The following TRAK1 variants were observed in gnomAD, a reference collection of about 807,000 sequenced individuals.
TRAK1 encodes trafficking kinesin protein 1.
A neutral mutation model predicts 92.1 loss-of-function variants in TRAK1; 33 were observed. The observed-to-expected ratio is 0.36, with a 90% CI of 0.27 to 0.48. The LOEUF (loss-of-function observed/expected upper bound fraction) is 0.48. TRAK1 is among the 20% of genes least tolerant of loss of function. The pLI is 0.99. For synonymous variants in TRAK1, 521 were observed against 517.3 expected, an observed-to-expected ratio of 1.01 and a Z score of -0.10; for missense variants, 1,123 against 1,257.9, an observed-to-expected ratio of 0.89 and a Z score of 1.62.
At chr3:42,110,094 G>GTATATATATATATA (rs375315730) in intron 1 of TRAK1, among the ~76,000 whole-genome samples, 949 of 83,036 alleles carry the variant, frequency 0.011, 37 homozygotes, top group Non-Finnish European at 0.012. Flanking sequence ...AGAACTTAAA[G>GTATATATATATATA]TATATATATA....
intron 8 of TRAK1, among the ~76,000 whole-genome samples, chr3:42,193,455 T>C (rs1257144937): frequency 2.0e-5 from 3 of 152,210 alleles, no homozygotes; most frequent in Non-Finnish European, 4.4e-5. Context: ...ATATGGACTT[T>C]TGCAGTTTAA....
rs374173062 is a variant in TRAK1, at chr3:42,079,474, C to CTTTT, written c.-518-7628_-518-7627insTTTT. 2.9e-3 allele frequency among the ~76,000 whole-genome samples: 384 copies of CTTTT among 133,938 alleles called. 18 individuals are homozygous for CTTTT. The highest frequency in any genetic ancestry group is 5.9e-3 in the African/African-American group (214 of 36,532). 87.9% of individuals were successfully genotyped at this position (133,938 alleles called of 152,430 possible). On this transcript the variant is annotated intron_variant, in intron 1 of 16. Coordinates refer to the TRAK1 transcript ENST00000487159. ...GAGTTTGTCGTGAAGGAAGCTCCTT[C>CTTTT]TTCTTTTTTTTTTTTTTTTGTTTTG...
At chr3:42,175,366 A>T (rs1703070057) in intron 2 of TRAK1, among the ~76,000 whole-genome samples, 1 of 152,208 alleles carries the variant, frequency 6.6e-6, no homozygotes, top group Non-Finnish European at 1.5e-5. Context: ...CTGATGGACT[A>T]TCTAGAGCAA....
At chr3:42,094,801 A>T (rs1372601992) in intron 1 of TRAK1, among the ~76,000 whole-genome samples, 2 of 152,218 alleles carry the variant, frequency 1.3e-5, no homozygotes, top group Non-Finnish European at 2.9e-5. Context: ...GTGTTACTTG[A>T]TGGTGGAGGC....
Position 42,139,302 on chromosome 3 carries a change from C to T in TRAK1, c.286+13688C>T, listed in dbSNP as rs189299282. On this transcript the variant is annotated intron_variant, in intron 2 of 15. Coordinates refer to ENST00000327628, the MANE Select transcript of TRAK1 (RefSeq NM_001042646.3). ...TACTGCTCACGTATGCGGTCTCTTT[C>T]TTGGGCCCATTTTTCACCACTGTTA... 5.8e-4 allele frequency among the ~76,000 whole-genome samples: 88 copies of T among 152,244 alleles called. 1 individual carries two copies. The South Asian group carries it at 0.011, about 19-fold the overall frequency.
intron 13 of TRAK1, among the ~76,000 whole-genome samples, chr3:42,208,353 A>G (rs1708573670): frequency 6.6e-6 from 1 of 152,036 alleles, no homozygotes; most frequent in South Asian, 2.1e-4. Flanking sequence ...GTTCATTTAT[A>G]AATCCCTTTC....
rs560230848 is a variant in TRAK1, at chr3:42,050,268, T to C, written c.-519+36151T>C. 3.3e-5 allele frequency among the ~76,000 whole-genome samples: 5 copies of C among 152,322 alleles called. No individual in the cohort carries two copies. In the East Asian group the frequency reaches 9.6e-4, roughly 29 times the overall value. On this transcript the variant is annotated intron_variant, in intron 1 of 16. Transcript: ENST00000487159. ...CAATCCTACTTTCATTTGTGCCTGG[T>C]GTTCCAGAGCCTAAGCTTGTGTGTT... is the stretch of plus-strand genomic sequence containing the variant.
chr3:42,021,419 T>A (rs1701717766), intron 1 of TRAK1, among the ~76,000 whole-genome samples: 1 of 152,154 alleles, frequency 6.6e-6, no homozygotes, highest in South Asian at 2.1e-4. Flanking sequence ...AGTAAAAACC[T>A]TCAGATTGAA....
rs148651584 is a variant in TRAK1, at chr3:42,031,094, G to A, written c.-519+16977G>A. 6.2e-3 allele frequency among the ~76,000 whole-genome samples: 925 copies of A among 148,266 alleles called. 45 individuals carry two copies. The East Asian group carries it at 0.12, about 20-fold the overall frequency. ...TCTGTCACCCGGGCTGGAGTGCAGT[G>A]GCGTGGTCTCGGCTCACTGCAGCCT... On this transcript the variant is annotated intron_variant, in intron 1 of 16. Transcript: ENST00000487159.
intron 2 of TRAK1, among the ~76,000 whole-genome samples, chr3:42,146,787 C>T (rs1249089538): frequency 6.6e-6 from 1 of 152,136 alleles, no homozygotes; most frequent in Non-Finnish European, 1.5e-5. Flanking sequence ...AACTCCTGGC[C>T]TCAAACTATC....
chr3:42,155,770 G>A (rs900187199), intron 2 of TRAK1, among the ~76,000 whole-genome samples: 1 of 152,222 alleles, frequency 6.6e-6, no homozygotes, highest in African/African-American at 2.4e-5. Context: ...TATGGCTAGT[G>A]TGACTGGTTT....
chr3:42,015,517 CCTTA>C (rs1447585886), intron 1 of TRAK1, among the ~76,000 whole-genome samples: 1 of 152,010 alleles, frequency 6.6e-6, no homozygotes, highest in Non-Finnish European at 1.5e-5. Flanking sequence ...GGCTGTGTGA[CCTTA>C]CTTAACCTCT....
chr3:42,143,813 T>C (rs1267537786), intron 2 of TRAK1, among the ~76,000 whole-genome samples: 1 of 152,158 alleles, frequency 6.6e-6, no homozygotes. Context: ...GAAAGTGGAT[T>C]TGATGTCAGA....
chr3:42,210,204 G>GAA, intron 14 of TRAK1: 1 of 1,556,788 alleles, frequency 6.4e-7, no homozygotes, highest in Non-Finnish European at 8.7e-7. Flanking sequence ...CTCTGTTCCA[G>GAA]GCACCATCCG....
chr3:42,191,105 A>G (rs1021759110), intron 6 of TRAK1, among the ~76,000 whole-genome samples: 2 of 152,086 alleles, frequency 1.3e-5, no homozygotes, highest in Non-Finnish European at 2.9e-5. Flanking sequence ...TTGGGACCTC[A>G]TATGTTCAGT....
intron 2 of TRAK1, among the ~76,000 whole-genome samples, chr3:42,128,337 A>G (rs1710851468): frequency 6.6e-6 from 1 of 152,260 alleles, no homozygotes. Flanking sequence ...TGGAAGAACC[A>G]AAATAAACAT....
chr3:42,017,002 G>T (rs1165877451), intron 1 of TRAK1, among the ~76,000 whole-genome samples: 1 of 152,186 alleles, frequency 6.6e-6, no homozygotes, highest in Non-Finnish European at 1.5e-5. Flanking sequence ...GCTCACACCT[G>T]TAATCCTAGC....
rs544403488 is a variant in TRAK1 at position 42,209,743 on chromosome 3, C to T, written c.1745-24C>T. 7 of 1,606,606 alleles carry T rather than the reference C, an allele frequency of 4.4e-6. No individual in the cohort carries two copies. The African/African-American group carries it at 6.7e-5, about 15-fold the overall frequency. On this transcript the variant is annotated intron_variant, in intron 13 of 15. Coordinates refer to ENST00000327628, the MANE Select transcript of TRAK1 (RefSeq NM_001042646.3). ...ACCCTCTCTTCTCCTTGTCCCCCTT[C>T]TTCCCTTCCCTTTCTCCTGCAAGGT...
At chr3:42,013,266 A>T (rs1300161601), upstream of TRAK1, among the ~76,000 whole-genome samples, 3 of 152,076 alleles carry the variant, frequency 2.0e-5, no homozygotes, top group African/African-American at 7.2e-5. This position sits in a 1 kb window ranked among gnomAD's most constrained non-coding sequence, Gnocchi z 5.1. Context: ...CAGGAACAGA[A>T]CGCCTGGACT....
Sources: allele counts gnomAD v4.1 joint callset (sites outside exome capture counted in the v4.1 genomes callset), GRCh38; gene constraint gnomAD v4.1.1; non-coding constraint Gnocchi (gnomAD v3.1); transcripts MANE v1.5; gene names NCBI Gene and HGNC (gene_info 2026-07-23, HGNC 2026-07-21).